Variants in FAM227B observed in about 807,000 individuals in gnomAD.
FAM227B encodes the protein family with sequence similarity 227 member B.
A neutral mutation model predicts 73.8 loss-of-function variants in FAM227B; 88 were observed. The observed-to-expected ratio is 1.19, with a 90% confidence interval of 1.00 to 1.42. The LOEUF (loss-of-function observed/expected upper bound fraction) is 1.42, where lower values mean the gene tolerates loss of function less well. Ranked by LOEUF, FAM227B falls within the 40% of genes most tolerant of loss-of-function variation. The pLI is 0.00. For missense variants in FAM227B, 632 were observed against 590.9 expected (o/e 1.07, Z -0.72); for synonymous variants, 210 against 190.5 (o/e 1.10, Z -0.84).
chr15:49,541,879 TA>T, intron 9 of FAM227B, 73 bp from the exon 10 acceptor site: 1 of 1,122,250 alleles, frequency 8.9e-7, no homozygotes, highest in Non-Finnish European at 1.2e-6. Context: ...CCAAAGAAAT[TA>T]TTATTTTTTA....
At chr15:49,441,217 A>G (rs2051608517) in intron 11 of FAM227B, among the ~76,000 whole-genome samples, 1 of 151,658 alleles carries the variant, frequency 6.6e-6, no homozygotes, top group African/African-American at 2.4e-5. Flanking sequence ...ACCAAACAAT[A>G]CTGCCAATGT....
chr15:49,562,067 C>A (rs958321171), intron 9 of FAM227B, among the ~76,000 whole-genome samples: 6 of 151,926 alleles, frequency 3.9e-5, no homozygotes, highest in East Asian at 1.9e-4. Context: ...AAAGCTGATT[C>A]TTTGAGAGGA....
intron 11 of FAM227B, among the ~76,000 whole-genome samples, chr15:49,383,213 T>A (rs2046655550): frequency 6.6e-6 from 1 of 152,274 alleles, no homozygotes; most frequent in African/African-American, 2.4e-5. Context: ...GATTACACAG[T>A]AAAACATTAA....
chr15:49,375,139 AT>A (rs2046076624), intron 11 of FAM227B, among the ~76,000 whole-genome samples: 1 of 152,172 alleles, frequency 6.6e-6, no homozygotes, highest in Admixed American at 6.6e-5. Flanking sequence ...TGTTAACATA[AT>A]ATACATAATT....
At chr15:49,544,487 G>A (rs1169218135) in intron 9 of FAM227B, among the ~76,000 whole-genome samples, 2 of 152,034 alleles carry the variant, frequency 1.3e-5, no homozygotes, top group African/African-American at 4.8e-5. Context: ...TACTCATCTG[G>A]ATGCTCTTTA....
chr15:49,563,864 A>C (rs978193704), intron 9 of FAM227B, among the ~76,000 whole-genome samples: 9 of 152,186 alleles, frequency 5.9e-5, no homozygotes, highest in Non-Finnish European at 1.0e-4. Context: ...GACAAATATA[A>C]GATGTAATAC....
intron 3 of FAM227B, among the ~76,000 whole-genome samples, chr15:49,593,833 T>C (rs1052335239): frequency 5.9e-5 from 9 of 152,210 alleles, no homozygotes; most frequent in African/African-American, 2.2e-4. Flanking sequence ...AACTTGTTGA[T>C]TGGGCATTTG....
At chr15:49,487,147 A>T (rs1050448864) in intron 11 of FAM227B, 1 of 151,918 alleles carries the variant, frequency 6.6e-6, no homozygotes, top group African/African-American at 2.4e-5. Context: ...TGACTAATCT[A>T]TACTGTGATG....
In FAM227B at chr15:49,528,181, C is replaced by A. The variant is rs183517197; in HGVS notation, c.874+13499G>T. Among the ~76,000 whole-genome samples the A allele has an allele frequency of 1.8e-3, 267 of 151,838 alleles. 2 individuals carry two copies. The highest frequency in any genetic ancestry group is 6.0e-3 in the African/African-American group (250 of 41,476). ...AGATCAATGAAGCAAAATAGAGAAC[C>A]TATAAATAAACCCACATATCTGCAA... On this transcript the variant is annotated intron_variant, in intron 10 of 15. Transcript: ENST00000299338.
chr15:49,582,979 T>C (rs1286800464), intron 5 of FAM227B, among the ~76,000 whole-genome samples: 1 of 151,786 alleles, frequency 6.6e-6, no homozygotes, highest in African/African-American at 2.4e-5. Flanking sequence ...GCTAAGGCAG[T>C]GTTAAGAGGG....
In FAM227B at chr15:49,371,309, G is replaced by T. The variant is rs199971746; in HGVS notation, c.1103C>A (p.Ala368Glu). 120 of 1,574,688 alleles carry T rather than the reference G, an allele frequency of 7.6e-5. No homozygotes were observed. The South Asian group carries it at 1.2e-3, about 15-fold the overall frequency. Residue 368 changes from alanine to glutamate, a missense_variant, in exon 12 of 16, where the codon GCA becomes GAA. Ala to Glu is a moderately radical substitution (Grantham distance 107, BLOSUM62 -1). Coordinates refer to ENST00000299338, the MANE Select transcript of FAM227B (RefSeq NM_152647.3). ...AATTATTATACTCCAAACCTTTGTT[G>T]CTAGTCTTGATAATCTTGATTCTTC... ...SKEESRLSRL[A>E]TKSHYSSTGP...
intron 10 of FAM227B, among the ~76,000 whole-genome samples, chr15:49,513,901 G>A (rs1287731550): frequency 1.3e-5 from 2 of 152,148 alleles, no homozygotes; most frequent in Admixed American, 1.3e-4. Context: ...AGATCAGATA[G>A]TTGTAGATGT....
At chr15:49,422,518 G>A (rs2049772933) in intron 11 of FAM227B, 1 of 1,281,870 alleles carries the variant, frequency 7.8e-7, no homozygotes, top group Non-Finnish European at 9.9e-7. Flanking sequence ...TTAAAAGTAG[G>A]TGCCCTGTTC....
At chr15:49,556,247 C>A (rs111963665) in intron 9 of FAM227B, among the ~76,000 whole-genome samples, 82 of 144,814 alleles carry the variant, frequency 5.7e-4, no homozygotes, top group African/African-American at 2.1e-3. Context: ...ATTTTTTTTT[C>A]TTTTATCTTA....
intron 11 of FAM227B, among the ~76,000 whole-genome samples, chr15:49,489,818 TATTTTATATATATATATA>T (rs2056773200): frequency 2.5e-5 from 1 of 39,984 alleles, no homozygotes; most frequent in African/African-American, 9.7e-5. Context: ...TATATATATA[TATTTTATATATATATATA>T]TATTTTATAT....
chr15:49,593,486 C>T (rs528948589), intron 3 of FAM227B, among the ~76,000 whole-genome samples: 43 of 151,732 alleles, frequency 2.8e-4, no homozygotes, highest in Admixed American at 7.9e-4. Context: ...AGGTGGTTTT[C>T]GTTACATGAA....
At chr15:49,520,443 C>T (rs1418625455) in intron 10 of FAM227B, among the ~76,000 whole-genome samples, 1 of 152,124 alleles carries the variant, frequency 6.6e-6, no homozygotes, top group African/African-American at 2.4e-5. Flanking sequence ...TAATAGTACC[C>T]TGCTCTCCTG....
At chr15:49,328,864 CT>C in intron 15 of FAM227B, 189 bp from the exon 16 acceptor site, 1 of 1,336,572 alleles carries the variant, frequency 7.5e-7, no homozygotes, top group East Asian at 2.6e-5. Context: ...TAAATAACCA[CT>C]TTCAATTCTT....
intron 11 of FAM227B, chr15:49,483,143 C>G (rs763248297): frequency 1.6e-5 from 23 of 1,458,292 alleles, no homozygotes; most frequent in Non-Finnish European, 2.1e-5. Context: ...TTCTGTGATT[C>G]CTTGCAGATA....
Sources: gnomAD v4.1 joint callset for allele counts (sites outside exome capture counted in the v4.1 genomes callset) on GRCh38, gnomAD v4.1.1 for gene constraint, MANE v1.5 for transcripts, NCBI Gene and HGNC (gene_info 2026-07-23, HGNC 2026-07-21) for gene names.